ATRN: variants seen among roughly 807,000 people sequenced by gnomAD.
ATRN encodes the protein attractin-2.
Under a neutral mutation model 178.7 loss-of-function variants are expected in ATRN, and 54 were observed. The observed-to-expected ratio is 0.30, with a 90% CI of 0.24 to 0.38. The LOEUF (loss-of-function observed/expected upper bound fraction) is 0.38. Ranked by LOEUF, ATRN falls within the 10% of genes least tolerant of loss-of-function variation. ATRN has a pLI of 1.00. For synonymous variants in ATRN, 636 were observed against 663.0 expected, an observed-to-expected ratio of 0.96 and a Z score of 0.63; for missense variants, 1,443 against 1,815.1, an observed-to-expected ratio of 0.79 and a Z score of 3.73.
chr20:3,516,266 A>G (rs1444231313), intron 1 of ATRN, among the ~76,000 whole-genome samples: 1 of 152,190 alleles, frequency 6.6e-6, no homozygotes, highest in African/African-American at 2.4e-5. Flanking sequence ...ATAAGTGTGA[A>G]AAGAGACCAA....
Position 3,482,213 on chromosome 20 carries a change from C to T in ATRN, c.410+10696C>T, listed in dbSNP as rs546157878. On this transcript the variant is annotated intron_variant, in intron 1 of 28. Transcript: ENST00000262919. ...AAATTTGACCTTACTCTATTTAAAACGTGGTGCATATATTGTTTCATGTAC... is the reference window on the plus strand; with the variant it reads ...AAATTTGACCTTACTCTATTTAAAATGTGGTGCATATATTGTTTCATGTAC... Among the ~76,000 whole-genome samples the T allele has an allele frequency of 1.1e-3, 170 of 151,170 alleles. 1 individual carries two copies. Among genetic ancestry groups the T allele is most frequent in the Non-Finnish European group, 1.7e-3 (115 of 67,822 alleles).
intron 1 of ATRN, among the ~76,000 whole-genome samples, chr20:3,479,772 T>TG (rs1442513527): frequency 6.6e-6 from 1 of 152,210 alleles, no homozygotes; most frequent in African/African-American, 2.4e-5. Context: ...CTTCTGGAGT[T>TG]GCCAGCAGTC....
intron 22 of ATRN, 48 bp downstream of exon 22, chr20:3,598,048 C>T (rs1277556218): frequency 2.4e-6 from 3 of 1,275,922 alleles, no homozygotes; most frequent in Non-Finnish European, 3.4e-6. Context: ...TTGTATGGAT[C>T]TTTTTCTTGG....
At chr20:3,643,497 T>A (rs1449505814) in intron 27 of ATRN, among the ~76,000 whole-genome samples, 3 of 150,220 alleles carry the variant, frequency 2.0e-5, no homozygotes, top group African/African-American at 4.9e-5. Context: ...GAGACCCCAT[T>A]TCTATTCTTT....
intron 11 of ATRN, among the ~76,000 whole-genome samples, chr20:3,569,177 T>C (rs1456686587): frequency 1.3e-5 from 2 of 152,208 alleles, no homozygotes; most frequent in East Asian, 1.9e-4. Context: ...TCTGCAGATA[T>C]GGTCATGTGT....
rs1262976785 is a variant in ATRN, at chr20:3,493,388, A to G, written c.410+21871A>G. On this transcript the variant is annotated intron_variant, in intron 1 of 28. Coordinates refer to ENST00000262919, the MANE Select transcript of ATRN (RefSeq NM_139321.3). The stretch of plus-strand genomic sequence containing the variant: ...ATGCCTAGGCTAGTTTTGAACTACT[A>G]GCCTCAAGCGATCCATCTGCATCGG... Among the ~76,000 whole-genome samples the G allele has an allele frequency of 6.6e-5, 10 of 150,734 alleles. No homozygotes were observed. In the East Asian group the frequency reaches 2.0e-3, roughly 29 times the overall value.
rs1268416551 is a variant in ATRN at position 3,595,282 on chromosome 20, A to G, written c.3416+710A>G. 2.0e-5 allele frequency among the ~76,000 whole-genome samples: 3 copies of G among 152,136 alleles called. No homozygotes were observed. In the South Asian group the frequency reaches 6.2e-4, roughly 31 times the overall value. ...GTATACCGGGCTGTCTCACTGGGAA[A>G]CCTCATAAAATGCATGTATCCGCAT... On this transcript the variant is annotated intron_variant, in intron 20 of 28. Coordinates refer to ENST00000262919, the MANE Select transcript of ATRN (RefSeq NM_139321.3).
intron 6 of ATRN, among the ~76,000 whole-genome samples, chr20:3,553,220 A>C (rs1480218848): frequency 6.6e-6 from 1 of 152,128 alleles, no homozygotes; most frequent in Non-Finnish European, 1.5e-5. Context: ...CTGTTATACT[A>C]GATGTTATGA....
At chr20:3,593,710 T>C (rs1469166429) in intron 19 of ATRN, among the ~76,000 whole-genome samples, 1 of 152,236 alleles carries the variant, frequency 6.6e-6, no homozygotes, top group African/African-American at 2.4e-5. Context: ...TTCCAAAGGA[T>C]TTATTTTTAA....
At chr20:3,612,674 A>G (rs977891422) in intron 24 of ATRN, among the ~76,000 whole-genome samples, 1 of 152,126 alleles carries the variant, frequency 6.6e-6, no homozygotes, top group Non-Finnish European at 1.5e-5. Context: ...TTGTTAGGTT[A>G]TTTTCATGTA....
chr20:3,476,743 C>T (rs891521030), intron 1 of ATRN, among the ~76,000 whole-genome samples: 1 of 152,136 alleles, frequency 6.6e-6, no homozygotes, highest in African/African-American at 2.4e-5. Context: ...GCCTGTAATC[C>T]CAGCTACTCA....
chr20:3,600,888 A>G, intron 22 of ATRN, 58 bp from the exon 23 acceptor site: 2 of 1,470,036 alleles, frequency 1.4e-6, no homozygotes, highest in Non-Finnish European at 9.4e-7. Flanking sequence ...TTATTGCTTT[A>G]TTTTAAAATC....
chr20:3,492,896 C>T (rs892419747), intron 1 of ATRN, among the ~76,000 whole-genome samples: 3 of 144,454 alleles, frequency 2.1e-5, no homozygotes, highest in Non-Finnish European at 3.0e-5. Context: ...CACACACACA[C>T]ATAACTAATA....
chr20:3,572,908 T>G lies in ATRN; in HGVS notation c.2049T>G (p.Asp683Glu). 6.2e-7 allele frequency: 1 copy of G among 1,614,052 alleles called. No homozygotes were observed. Among genetic ancestry groups the G allele is most frequent in the Non-Finnish European group, 8.5e-7 (1 of 1,179,994 alleles). Residue 683 changes from aspartate to glutamate, a missense_variant, in exon 12 of 29, where the codon GAT becomes GAG. By Grantham distance (45) the Asp-to-Glu change is conservative. Coordinates refer to ENST00000262919, the MANE Select transcript of ATRN (RefSeq NM_139321.3). The stretch of plus-strand genomic sequence containing the variant: ...GTATCTCGTGGGCGCTGGCAACTGA[T>G]GAACAAGAAGAAAAGTTAAAATCAG... ...SQCISWALAT[D>E]EQEEKLKSEC...
Position 3,506,941 on chromosome 20 carries a change from A to G in ATRN, c.411-28312A>G, listed in dbSNP as rs375391003. On this transcript the variant is annotated intron_variant, in intron 1 of 28. Coordinates refer to ENST00000262919, the MANE Select transcript of ATRN (RefSeq NM_139321.3). ...TTTTGAAGAGCCTTAGAAGAGAATT[A>G]GTTAACTATAAGATATGTTGGGAAA... 5.3e-5 allele frequency among the ~76,000 whole-genome samples: 8 copies of G among 152,266 alleles called. No homozygotes were observed. The East Asian group carries it at 1.4e-3, about 26-fold the overall frequency.
At chr20:3,528,204 CTAAAAATAGAAAAA>C (rs1429205460) in intron 1 of ATRN, among the ~76,000 whole-genome samples, 1 of 151,840 alleles carries the variant, frequency 6.6e-6, no homozygotes, top group East Asian at 1.9e-4. Flanking sequence ...CCCGTCTCTA[CTAAAAATAGAAAAA>C]TTAGCCGGGC....
At chr20:3,609,239 C>T (rs912647419) in intron 24 of ATRN, among the ~76,000 whole-genome samples, 13 of 152,094 alleles carry the variant, frequency 8.5e-5, no homozygotes, top group Non-Finnish European at 1.8e-4. Flanking sequence ...AGAGGGCTTT[C>T]ACCTCCTTGG....
At chr20:3,627,230 A>G (rs187974056) in intron 25 of ATRN, among the ~76,000 whole-genome samples, 1 of 152,226 alleles carries the variant, frequency 6.6e-6, no homozygotes, top group Admixed American at 6.5e-5. Flanking sequence ...AGCTGCACCT[A>G]GAATCACTTG....
In ATRN at chr20:3,559,409, A is replaced by G. The variant is rs2085921502; in HGVS notation, c.1129A>G (p.Arg377Gly). The G allele has an allele frequency of 1.2e-6, 2 of 1,613,484 alleles. No individual in the cohort carries two copies. The highest frequency in any genetic ancestry group is 1.7e-6 in the Non-Finnish European group (2 of 1,179,412). Reference sequence around the variant, plus strand: ...GTTTTGTAGGTATGACCTTGCTTCTAGGGAGTGGCTTCCACTAAACCGTTC... The same window carrying G: ...GTTTTGTAGGTATGACCTTGCTTCTGGGGAGTGGCTTCCACTAAACCGTTC... ...NMVLAYDLAS[R>G]EWLPLNRSVN... The change falls in exon 7 of 29, where the codon AGG becomes GGG. Residue 377 changes from arginine to glycine, a missense_variant. Physicochemically the swap from Arg to Gly is moderately radical, Grantham distance 125. Transcript: ENST00000262919.
Sources: gnomAD v4.1 joint callset for allele counts (sites outside exome capture counted in the v4.1 genomes callset) on GRCh38, gnomAD v4.1.1 for gene constraint, MANE v1.5 for transcripts, NCBI Gene and HGNC (gene_info 2026-07-23, HGNC 2026-07-21) for gene names.